TPRG1: variants seen among roughly 807,000 people sequenced by gnomAD.
TPRG1 encodes the protein tumor protein p63 regulated 1, also known as tumor protein p63-regulated gene 1 protein.
A neutral mutation model predicts 29.3 loss-of-function variants in TPRG1; 29 were observed. The ratio of observed to expected loss-of-function variants is 0.99; its 90% CI spans 0.74 to 1.35. The LOEUF is 1.35. Ranked by LOEUF, TPRG1 falls within the 40% of genes most tolerant of loss-of-function variation. The pLI, the probability that TPRG1 is intolerant of heterozygous loss-of-function variation, is 0.00. For synonymous variants in TPRG1, 130 were observed against 116.8 expected, an observed-to-expected ratio of 1.11 and a Z score of -0.73; for missense variants, 327 against 335.0, an observed-to-expected ratio of 0.98 and a Z score of 0.19.
At chr3:189,228,003 C>A (rs1245581607) in intron 3 of TPRG1, among the ~76,000 whole-genome samples, 11 of 152,236 alleles carry the variant, frequency 7.2e-5, no homozygotes, top group Non-Finnish European at 2.9e-5. Context: ...CGCCTGTAGT[C>A]CCAGCTACTC....
intron 3 of TPRG1, among the ~76,000 whole-genome samples, chr3:189,013,135 G>T (rs547290083): frequency 6.6e-6 from 1 of 152,166 alleles, no homozygotes; most frequent in African/African-American, 2.4e-5. Flanking sequence ...GATCTTTCTA[G>T]CTTTTTGATG....
intron 4 of TPRG1, among the ~76,000 whole-genome samples, chr3:189,294,827 C>G (rs574089563): frequency 1.3e-5 from 2 of 149,654 alleles, no homozygotes; most frequent in African/African-American, 2.5e-5. Context: ...CACACACACA[C>G]AGCGCGCAAG....
At chr3:189,139,740 G>A (rs1381547158) in intron 3 of TPRG1, among the ~76,000 whole-genome samples, 1 of 151,268 alleles carries the variant, frequency 6.6e-6, no homozygotes, top group Non-Finnish European at 1.5e-5. Flanking sequence ...GTCCCCCATG[G>A]CATCTGTGTG....
intron 4 of TPRG1, among the ~76,000 whole-genome samples, chr3:189,059,740 TTA>T (rs1375699783): frequency 6.6e-6 from 1 of 152,164 alleles, no homozygotes; most frequent in African/African-American, 2.4e-5. Context: ...TAAATAGTAG[TTA>T]TATAGCTGGG....
intron 4 of TPRG1, among the ~76,000 whole-genome samples, chr3:189,042,508 A>G (rs140830326): frequency 8.5e-5 from 13 of 152,302 alleles, no homozygotes; most frequent in Non-Finnish European, 1.9e-4. Flanking sequence ...TTCAAGAAAT[A>G]CTTTTTGAAT....
At position 189,259,136 on chromosome 3, in the gene TPRG1, T is replaced by G. The variant is rs149761435; in HGVS notation, c.479+20227T>G. ...CCAGGGCTCTGGTGGTGTAGGCACCTGAGAGAATCTCCTGGTCTGTGGGTT... is the reference window on the plus strand; with the variant it reads ...CCAGGGCTCTGGTGGTGTAGGCACCGGAGAGAATCTCCTGGTCTGTGGGTT... On this transcript the variant is annotated intron_variant, in intron 4 of 5. Transcript: ENST00000345063. Among the ~76,000 whole-genome samples the G allele has an allele frequency of 8.1e-3, 1,231 of 152,312 alleles. 15 individuals are homozygous for G. Among genetic ancestry groups the G allele is most frequent in the African/African-American group, 0.028 (1,156 of 41,570 alleles).
intron 1 of TPRG1, among the ~76,000 whole-genome samples, chr3:189,197,852 G>T (rs1205040829): frequency 1.3e-5 from 2 of 152,112 alleles, no homozygotes; most frequent in Non-Finnish European, 2.9e-5. Context: ...ATACAATATT[G>T]GACCATACAC....
intron 4 of TPRG1, among the ~76,000 whole-genome samples, chr3:189,292,853 C>T (rs1467351915): frequency 6.6e-6 from 1 of 152,128 alleles, no homozygotes; most frequent in African/African-American, 2.4e-5. Flanking sequence ...GATTATCCCA[C>T]AAGGAAGGCT....
chr3:189,060,228 G>T (rs1053974878), intron 4 of TPRG1, among the ~76,000 whole-genome samples: 1 of 152,032 alleles, frequency 6.6e-6, no homozygotes, highest in East Asian at 1.9e-4. Context: ...GCGAAAATCC[G>T]TCTCAAAAAC....
intron 4 of TPRG1, among the ~76,000 whole-genome samples, chr3:189,274,935 A>AGCGT (rs1553936276): frequency 2.2e-5 from 3 of 137,646 alleles, no homozygotes; most frequent in Non-Finnish European, 4.8e-5. Flanking sequence ...TAATGTAATG[A>AGCGT]GTGTGTGTGT....
At chr3:189,282,812 C>G (rs2176038) in intron 4 of TPRG1, among the ~76,000 whole-genome samples, 45,349 of 151,930 alleles carry the variant, frequency 0.3, 8,889 homozygotes, top group African/African-American at 0.56. Context: ...GGATCAGATA[C>G]GTGAGATGAG....
intron 4 of TPRG1, among the ~76,000 whole-genome samples, chr3:189,301,157 G>T (rs1004582680): frequency 2.0e-5 from 3 of 151,906 alleles, no homozygotes; most frequent in Non-Finnish European, 4.4e-5. Context: ...AAATTAGCCA[G>T]ACGTGGTGTC....
chr3:189,112,956 T>G (rs1720724450), intron 1 of TPRG1, among the ~76,000 whole-genome samples: 1 of 152,180 alleles, frequency 6.6e-6, no homozygotes, highest in African/African-American at 2.4e-5. Flanking sequence ...AATCTATAAA[T>G]TACCTTGGGC....
intron 4 of TPRG1, among the ~76,000 whole-genome samples, chr3:189,037,241 G>A (rs1339789230): frequency 2.0e-4 from 31 of 151,252 alleles, no homozygotes; most frequent in South Asian, 8.4e-4. Flanking sequence ...AAAATTCTAC[G>A]AAAATCATTA....
rs571955999 is a variant in TPRG1, at chr3:189,321,641, C to T, written c.*821C>T. The T allele has an allele frequency of 6.6e-6, 1 of 152,176 alleles. No individual in the cohort carries two copies. The highest frequency in any genetic ancestry group is 1.9e-4 in the East Asian group (1 of 5,174). 9.4% of individuals were successfully genotyped at this position (152,176 alleles called of 1,614,324 possible). A position where few individuals can be genotyped will look rare whatever the true frequency, so the allele number is the denominator to read the frequency against. On this transcript the variant is annotated 3_prime_UTR_variant, in exon 6 of 6. Transcript: ENST00000345063. Reference sequence around the variant, plus strand: ...TTACCACAGCCTGTTAAATGGAATCCCTACTCCAAGGCTGACTGTTTCAAT... The same window carrying T: ...TTACCACAGCCTGTTAAATGGAATCTCTACTCCAAGGCTGACTGTTTCAAT...
rs144121009 is a variant in TPRG1 at position 189,111,001 on chromosome 3, A to T, written c.-744+10797A>T. Reference sequence around the variant, plus strand: ...CTTTAAGTAAGCCTGGAAGTTAAGTAGTATGAGTCTTCCAAATTTGTTTTT... The same window carrying T: ...CTTTAAGTAAGCCTGGAAGTTAAGTTGTATGAGTCTTCCAAATTTGTTTTT... On this transcript the variant is annotated intron_variant, in intron 1 of 6. Transcript: ENST00000412373. 3.9e-5 allele frequency among the ~76,000 whole-genome samples: 6 copies of T among 152,074 alleles called. No individual in the cohort carries two copies. The East Asian group carries it at 1.2e-3, about 29-fold the overall frequency.
chr3:189,156,357 A>T (rs35149318), intron 5 of TPRG1, among the ~76,000 whole-genome samples: 41,189 of 144,266 alleles, frequency 0.29, 6,069 homozygotes, highest in Admixed American at 0.4. Context: ...ACTATAAGTA[A>T]AAAAAAAAAA....
At chr3:189,303,994 C>G (rs565305130) in intron 4 of TPRG1, among the ~76,000 whole-genome samples, 32 of 152,146 alleles carry the variant, frequency 2.1e-4, no homozygotes, top group Non-Finnish European at 4.6e-4. Context: ...GATTTAACCT[C>G]AAGTCTTTTC....
intron 3 of TPRG1, among the ~76,000 whole-genome samples, chr3:189,233,159 A>AGTGTGT (rs1234383998): frequency 4.2e-5 from 5 of 120,276 alleles, no homozygotes; most frequent in African/African-American, 2.0e-4. Context: ...ACCTCTACTG[A>AGTGTGT]GTGTGTATGT....
Sources: gnomAD v4.1 joint callset for allele counts (sites outside exome capture counted in the v4.1 genomes callset) on GRCh38, gnomAD v4.1.1 for gene constraint, MANE v1.5 for transcripts, NCBI Gene and HGNC (gene_info 2026-07-23, HGNC 2026-07-21) for gene names.